ETFDH: variants seen among roughly 807,000 people sequenced by gnomAD.
ETFDH encodes electron transfer flavoprotein-ubiquinone oxidoreductase, mitochondrial.
ETFDH carries 61 observed loss-of-function variants against 73.2 expected under a neutral mutation model. The ratio of observed to expected loss-of-function variants is 0.83; its 90% CI spans 0.68 to 1.03. The LOEUF (loss-of-function observed/expected upper bound fraction) is 1.03. Among genes scored for constraint, ETFDH ranks in the 50% least tolerant of loss-of-function variants. The pLI is 0.00. For missense variants in ETFDH, 685 were observed against 745.0 expected (o/e 0.92, Z 0.94); for synonymous variants, 243 against 253.3 (o/e 0.96, Z 0.39).
chr4:158,694,112 T>C (rs1774247476), intron 6 of ETFDH, among the ~76,000 whole-genome samples: 1 of 152,202 alleles, frequency 6.6e-6, no homozygotes, highest in Admixed American at 6.5e-5. Flanking sequence ...AATTATATAC[T>C]CATGTATTTA....
chr4:158,682,154 T>C, intron 2 of ETFDH, 41 bp from the exon 3 acceptor site: 1 of 1,611,316 alleles, frequency 6.2e-7, no homozygotes, highest in Non-Finnish European at 8.5e-7. Context: ...TATCATGTGA[T>C]TATTGGGTTA....
At chr4:158,689,595 CATATATATATATATATATATATATAT>C (rs573706904) in intron 5 of ETFDH, among the ~76,000 whole-genome samples, 8 of 32,770 alleles carry the variant, frequency 2.4e-4, no homozygotes, top group South Asian at 1.7e-3. Flanking sequence ...ATAAAACCTT[CATATATATATATATATATATATATAT>C]ATATATATAT....
chr4:158,672,675 T>C (rs1773605677), intron 1 of ETFDH, among the ~76,000 whole-genome samples, 185 bp downstream of exon 1: 1 of 151,932 alleles, frequency 6.6e-6, no homozygotes, highest in African/African-American at 2.4e-5. Flanking sequence ...GTTGCCCCAG[T>C]TGGTAGAATT....
chr4:158,681,505 T>C (rs1305598196), intron 2 of ETFDH: 8 of 152,316 alleles, frequency 5.3e-5, no homozygotes, highest in African/African-American at 1.9e-4. Context: ...AACCTAAGCA[T>C]ACAGTGTTTA....
intron 4 of ETFDH, 30 bp from the exon 5 acceptor site, chr4:158,685,067 AAGTC>A: frequency 2.4e-6 from 3 of 1,245,554 alleles, no homozygotes; most frequent in Non-Finnish European, 1.2e-6. Context: ...TATCAATAAA[AAGTC>A]AGATTTATAA....
chr4:158,674,446 C>G (rs1773664191), intron 1 of ETFDH, among the ~76,000 whole-genome samples: 1 of 152,118 alleles, frequency 6.6e-6, no homozygotes, highest in African/African-American at 2.4e-5. Flanking sequence ...CCTGGGATCA[C>G]AGGTGCCCAC....
Position 158,708,233 on chromosome 4 carries a change from A to C in ETFDH, c.1691-131A>C, listed in dbSNP as rs572963277. On this transcript the variant is annotated intron_variant, in intron 12 of 12. Transcript: ENST00000511912. ...AATAGCAATGCACCAAGGTCTTCAT[A>C]ATCTCTATGGGTAAGCATTCAGAAA... 1.7e-5 allele frequency: 11 copies of C among 652,396 alleles called. No individual in the cohort carries two copies. In the African/African-American group the frequency reaches 1.8e-4, roughly 11 times the overall value. 40.4% of individuals were successfully genotyped at this position (652,396 alleles called of 1,614,324 possible). A position where few individuals can be genotyped will look rare whatever the true frequency, so the allele number is the denominator to read the frequency against.
chr4:158,706,230 T>G lies in ETFDH; in HGVS notation c.1327T>G (p.Trp443Gly). ...ATATGAGGACAATTTGAAGAACTCA[T>G]GGGTATGGAAAGAGCTATATTCTGT... is the stretch of plus-strand genomic sequence containing the variant. The part of the protein sequence containing the change: ...TEYEDNLKNS[W>G]VWKELYSVRN... Residue 443 changes from tryptophan (W) to glycine (G), a missense_variant, in exon 11 of 13, where the codon TGG (tryptophan) becomes GGG (glycine). Physicochemically the swap from Trp to Gly is radical, Grantham distance 184. Coordinates refer to ENST00000511912, the MANE Select transcript of ETFDH (RefSeq NM_004453.4). 6.2e-7 allele frequency: 1 copy of G among 1,612,646 alleles called. No homozygotes were observed. The highest frequency in any genetic ancestry group is 8.5e-7 in the Non-Finnish European group (1 of 1,178,592).
intron 12 of ETFDH, among the ~76,000 whole-genome samples, chr4:158,707,467 C>G (rs1252879230): frequency 6.6e-6 from 1 of 152,146 alleles, no homozygotes; most frequent in African/African-American, 2.4e-5. Flanking sequence ...CTCCTCTTAC[C>G]CCCAGTCACC....
intron 5 of ETFDH, 104 bp downstream of exon 5, chr4:158,685,323 G>T (rs563375067): frequency 2.1e-5 from 15 of 728,580 alleles, no homozygotes; most frequent in Non-Finnish European, 3.4e-5. Flanking sequence ...TAAAAGCCAT[G>T]GGATTTTAGA....
At chr4:158,684,758 A>G (rs1773959335) in intron 4 of ETFDH, 85 bp downstream of exon 4, 1 of 832,862 alleles carries the variant, frequency 1.2e-6, no homozygotes, top group South Asian at 1.4e-5. Context: ...TCCTCCTTTT[A>G]CAGACAAGAA....
At chr4:158,682,714 T>C (rs1367503351) in intron 3 of ETFDH, among the ~76,000 whole-genome samples, 1 of 152,036 alleles carries the variant, frequency 6.6e-6, no homozygotes, top group Non-Finnish European at 1.5e-5. Context: ...TTTGTATTTT[T>C]AGTAGAGACA....
chr4:158,681,427 A>G (rs1773857347), intron 2 of ETFDH: 2 of 152,242 alleles, frequency 1.3e-5, no homozygotes, highest in Admixed American at 6.5e-5. Context: ...AAAAGCTTAT[A>G]AAATAAAAAC....
At chr4:158,706,544 A>G in intron 11 of ETFDH, 85 bp from the exon 12 acceptor site, 1 of 1,221,892 alleles carries the variant, frequency 8.2e-7, no homozygotes, top group Non-Finnish European at 1.2e-6. Context: ...GTGTGATAAT[A>G]TTTTGAAGTT....
chr4:158,696,372 G>A (rs772226642), intron 7 of ETFDH, among the ~76,000 whole-genome samples: 1 of 151,978 alleles, frequency 6.6e-6, no homozygotes, highest in Non-Finnish European at 1.5e-5. Flanking sequence ...CAGGTGTGGT[G>A]GTGCACACCT....
At position 158,681,817 on chromosome 4, in the gene ETFDH, T is replaced by A. The variant is rs4627811; in HGVS notation, c.176-378T>A. 2,109 of 316,302 alleles carry A rather than the reference T, an allele frequency of 6.7e-3. 33 individuals are homozygous for A. The highest frequency in any genetic ancestry group is 0.038 in the African/African-American group (1,756 of 45,846). 19.6% of individuals were successfully genotyped at this position (316,302 alleles called of 1,614,324 possible). On this transcript the variant is annotated intron_variant, in intron 2 of 12. Coordinates refer to ENST00000511912, the MANE Select transcript of ETFDH (RefSeq NM_004453.4). ...GTTGCCTAGGTGTATCATAGGCTGT[T>A]CAATTAGTTTGTGTAAGTATACTCT...
chr4:158,687,533 C>T (rs1774036991), intron 5 of ETFDH, among the ~76,000 whole-genome samples: 1 of 152,174 alleles, frequency 6.6e-6, no homozygotes, highest in African/African-American at 2.4e-5. Flanking sequence ...TGAGTTCTTT[C>T]AGTATTCTTG....
chr4:158,692,715 GC>G (rs965787357), intron 6 of ETFDH, among the ~76,000 whole-genome samples: 2 of 149,666 alleles, frequency 1.3e-5, no homozygotes, highest in African/African-American at 4.9e-5. Context: ...CAAAATTGAA[GC>G]ACACAAATTC....
In ETFDH at chr4:158,690,412, A is replaced by C; in HGVS notation, c.671A>C (p.Asp224Ala). 5 of 1,580,636 alleles carry C rather than the reference A, an allele frequency of 3.2e-6. No individual in the cohort carries two copies. Among genetic ancestry groups the C allele is most frequent in the Non-Finnish European group, 4.4e-6 (5 of 1,149,356 alleles). ...IATNDVGIQK[D>A]GAPKATFERG... ...ACTAACGATGTAGGGATACAAAAGGATGGTGCACCAAAGGTAAACCTTTTT... is the reference window on the plus strand; with the variant it reads ...ACTAACGATGTAGGGATACAAAAGGCTGGTGCACCAAAGGTAAACCTTTTT... The change falls in exon 6 of 13, where the codon GAT becomes GCT. Residue 224 changes from aspartate (D) to alanine (A), a missense_variant. Transcript: ENST00000511912.
Sources: gnomAD v4.1 joint callset for allele counts (sites outside exome capture counted in the v4.1 genomes callset) on GRCh38, gnomAD v4.1.1 for gene constraint, MANE v1.5 for transcripts, NCBI Gene and HGNC (gene_info 2026-07-23, HGNC 2026-07-21) for gene names.